The following RFTN1 variants were observed in gnomAD, a reference collection of about 807,000 sequenced individuals.
RFTN1 encodes raftlin.
In RFTN1, 26 loss-of-function variants were observed where a neutral mutation model predicts 46.5. That is an observed-to-expected ratio of 0.56 (90% CI 0.41 to 0.78). The LOEUF is 0.78. Ranked by LOEUF, RFTN1 falls within the 30% of genes least tolerant of loss-of-function variation. The pLI is 0.00. For missense variants in RFTN1, 693 were observed against 718.7 expected, an observed-to-expected ratio of 0.96 and a Z score of 0.41; for synonymous variants, 261 against 284.2, an observed-to-expected ratio of 0.92 and a Z score of 0.82.
chr3:16,323,557 C>T, intron 8 of RFTN1, 100 bp from the exon 9 acceptor site: 4 of 809,766 alleles, frequency 4.9e-6, no homozygotes, highest in Non-Finnish European at 8.3e-6. Flanking sequence ...AGCAGACCAC[C>T]CACAGGATTA....
At position 16,356,818 on chromosome 3, in the gene RFTN1, A is replaced by G. The variant is rs762970663; in HGVS notation, c.1146+1114T>C. Among the ~76,000 whole-genome samples the G allele has an allele frequency of 2.0e-5, 3 of 152,218 alleles. No homozygotes were observed. The highest frequency in any genetic ancestry group is 4.4e-5 in the Non-Finnish European group (3 of 68,034). On this transcript the variant is annotated intron_variant, in intron 7 of 9. Coordinates refer to ENST00000334133, the MANE Select transcript of RFTN1 (RefSeq NM_015150.2). This position sits in a 1 kb window ranked among gnomAD's most constrained non-coding sequence, Gnocchi z 4.9. ...TGTTCTTCCAAAGCATTCAGAAAGC[A>G]GTTCTCTATGTCCATGGCTGGGCAC...
Position 16,497,190 on chromosome 3 carries a change from G to C in RFTN1, c.-8-3313C>G, listed in dbSNP as rs1375735550. Among the ~76,000 whole-genome samples the C allele has an allele frequency of 2.0e-5, 3 of 152,262 alleles. 1 individual carries two copies. In the South Asian group the frequency reaches 6.2e-4, roughly 32 times the overall value. ...CACTGAGCAGTCTCTGTATTGATTT[G>C]TGTGCTTTCCCATACTTACACTAAA... On this transcript the variant is annotated intron_variant, in intron 1 of 9. Coordinates refer to ENST00000334133, the MANE Select transcript of RFTN1 (RefSeq NM_015150.2).
At position 16,426,089 on chromosome 3, in the gene RFTN1, T is replaced by A. The variant is rs1386584473; in HGVS notation, c.332+7762A>T. ...TTCACCTTCCTCAATGTCTGCTCTC[T>A]GGGAATAAACCGGCGGCTGCAGTTT... On this transcript the variant is annotated intron_variant, in intron 3 of 9. Coordinates refer to ENST00000334133, the MANE Select transcript of RFTN1 (RefSeq NM_015150.2). The surrounding 1 kb of genome is among the most constrained non-coding windows in gnomAD (Gnocchi z 5.9). Among the ~76,000 whole-genome samples the A allele has an allele frequency of 6.6e-6, 1 of 152,218 alleles. No homozygotes were observed. The highest frequency in any genetic ancestry group is 2.4e-5 in the African/African-American group (1 of 41,450).
intron 7 of RFTN1, among the ~76,000 whole-genome samples, chr3:16,330,794 C>A (rs1475405147): frequency 6.6e-6 from 1 of 152,184 alleles, no homozygotes; most frequent in Non-Finnish European, 1.5e-5. Flanking sequence ...TCTTTACCCT[C>A]CAAAAATTAG....
chr3:16,453,064 A>G (rs1328227202), intron 2 of RFTN1, among the ~76,000 whole-genome samples: 1 of 152,194 alleles, frequency 6.6e-6, no homozygotes, highest in Non-Finnish European at 1.5e-5. Flanking sequence ...ATGCTTTACA[A>G]GCATCCTTGC....
rs1271555347 is a variant in RFTN1 at position 16,413,274 on chromosome 3, G to A, written c.333-3791C>T. ...GGTGAGGAGTGTTCTGTGTCCCTGAGGGCAAGGACTATCCTGGGAGACAGA... is the reference window on the plus strand; with the variant it reads ...GGTGAGGAGTGTTCTGTGTCCCTGAAGGCAAGGACTATCCTGGGAGACAGA... On this transcript the variant is annotated intron_variant, in intron 3 of 9. Transcript: ENST00000334133. This position sits in a 1 kb window ranked among gnomAD's most constrained non-coding sequence, Gnocchi z 4.7. Among the ~76,000 whole-genome samples, 1 of 152,224 alleles carries A rather than the reference G, an allele frequency of 6.6e-6. No homozygotes were observed. Among genetic ancestry groups the A allele is most frequent in the Non-Finnish European group, 1.5e-5 (1 of 68,042 alleles).
At chr3:16,444,624 G>A (rs2075694600) in intron 2 of RFTN1, among the ~76,000 whole-genome samples, 1 of 152,302 alleles carries the variant, frequency 6.6e-6, no homozygotes, top group South Asian at 2.1e-4. Context: ...TGGAATAAGC[G>A]AGTTGGAAAA....
Position 16,506,299 on chromosome 3 carries a change from A to T in RFTN1, c.-9+7143T>A, listed in dbSNP as rs1434891262. 6.6e-6 allele frequency among the ~76,000 whole-genome samples: 1 copy of T among 152,042 alleles called. No individual in the cohort carries two copies. The highest frequency in any genetic ancestry group is 1.5e-5 in the Non-Finnish European group (1 of 68,002). ...GTGGGGCCCCTGGGAGGCTGAGCAG[A>T]CCTCAGGGTGAAGTCAAACAGGGCT... On this transcript the variant is annotated intron_variant, in intron 1 of 9. Coordinates refer to ENST00000334133, the MANE Select transcript of RFTN1 (RefSeq NM_015150.2). The surrounding 1 kb of genome is among the most constrained non-coding windows in gnomAD (Gnocchi z 4.8).
chr3:16,403,446 T>G (rs2125427535), intron 4 of RFTN1, among the ~76,000 whole-genome samples: 1 of 149,488 alleles, frequency 6.7e-6, no homozygotes, highest in Non-Finnish European at 1.5e-5. Context: ...AGCATAAGGT[T>G]TGCCTAACGC....
Position 16,391,858 on chromosome 3 carries a change from G to GT in RFTN1, c.442-13757dup, listed in dbSNP as rs1272551461. Among the ~76,000 whole-genome samples the GT allele has an allele frequency of 6.5e-3, 317 of 49,118 alleles. 65 individuals carry two copies. In the East Asian group the frequency reaches 0.071, roughly 11 times the overall value. The allele number at this position is 49,118 out of a possible 152,430, so 32.2% of individuals were successfully genotyped here. On this transcript the variant is annotated intron_variant, in intron 4 of 9. Transcript: ENST00000334133. ...TAGAGATTATCATTCTAGTGCAAAGGTTTTTTTTTTGTTTTTTTTTTTTGT... is the reference window on the plus strand; with the variant it reads ...TAGAGATTATCATTCTAGTGCAAAGGTTTTTTTTTTTGTTTTTTTTTTTTGT...
Position 16,376,612 on chromosome 3 carries a change from A to G in RFTN1, c.826+1106T>C, listed in dbSNP as rs1321622967. 6.6e-6 allele frequency among the ~76,000 whole-genome samples: 1 copy of G among 152,240 alleles called. No individual in the cohort carries two copies. The highest frequency in any genetic ancestry group is 1.5e-5 in the Non-Finnish European group (1 of 68,046). On this transcript the variant is annotated intron_variant, in intron 5 of 9. Coordinates refer to ENST00000334133, the MANE Select transcript of RFTN1 (RefSeq NM_015150.2). This position sits in a 1 kb window ranked among gnomAD's most constrained non-coding sequence, Gnocchi z 4.7. The stretch of plus-strand genomic sequence containing the variant: ...ATGAGGGCAGCAGGCATGTGCCTCA[A>G]ACAGCGAAAAATCACACAGATGAAG...
At position 16,399,951 on chromosome 3, in the gene RFTN1, G is replaced by A. The variant is rs530980105; in HGVS notation, c.441+9424C>T. 2.6e-5 allele frequency among the ~76,000 whole-genome samples: 4 copies of A among 152,236 alleles called. No homozygotes were observed. The East Asian group carries it at 5.8e-4, about 22-fold the overall frequency. ...AGACGCTCCACCTAAACTAAGTGACGATCTCTTGTCTATGAAGAGTTACTC... is the reference window on the plus strand; with the variant it reads ...AGACGCTCCACCTAAACTAAGTGACAATCTCTTGTCTATGAAGAGTTACTC... On this transcript the variant is annotated intron_variant, in intron 4 of 9. Transcript: ENST00000334133.
At chr3:16,487,369 T>C (rs2076464976) in intron 2 of RFTN1, among the ~76,000 whole-genome samples, 1 of 152,242 alleles carries the variant, frequency 6.6e-6, no homozygotes, top group South Asian at 2.1e-4. Flanking sequence ...ACACAGATTC[T>C]GACCTGAAAC....
chr3:16,427,567 G>A lies in RFTN1; in HGVS notation c.332+6284C>T, dbSNP rs565348202. ...ACAGCTTGCTGATATGGCCTAAGAG[G>A]AAACATTTCACAGACTCCAAGCATA... On this transcript the variant is annotated intron_variant, in intron 3 of 9. Transcript: ENST00000334133. The surrounding 1 kb of genome is among the most constrained non-coding windows in gnomAD (Gnocchi z 5.4). Among the ~76,000 whole-genome samples, 3 of 152,310 alleles carry A rather than the reference G, an allele frequency of 2.0e-5. No homozygotes were observed. Among genetic ancestry groups the A allele is most frequent in the Admixed American group, 2.0e-4 (3 of 15,300 alleles).
At position 16,345,832 on chromosome 3, in the gene RFTN1, G is replaced by A. The variant is rs542141108; in HGVS notation, c.1146+12100C>T. Among the ~76,000 whole-genome samples the A allele has an allele frequency of 1.6e-4, 10 of 63,946 alleles. No homozygotes were observed. In the South Asian group the frequency reaches 3.1e-3, roughly 20 times the overall value. The allele number at this position is 63,946 out of a possible 152,430, so 42.0% of individuals were successfully genotyped here. A position where few individuals can be genotyped will look rare whatever the true frequency, so the allele number is the denominator to read the frequency against. ...TGTGTGTGTGTGCGCGCGCGCGTGCGCGCACGCGCACATGTGCATGTGTAT... is the reference window on the plus strand; with the variant it reads ...TGTGTGTGTGTGCGCGCGCGCGTGCACGCACGCGCACATGTGCATGTGTAT... On this transcript the variant is annotated intron_variant, in intron 7 of 9. Coordinates refer to ENST00000334133, the MANE Select transcript of RFTN1 (RefSeq NM_015150.2). This position sits in a 1 kb window ranked among gnomAD's most constrained non-coding sequence, Gnocchi z 5.2.
At chr3:16,438,366 T>C (rs1014203979) in intron 2 of RFTN1, among the ~76,000 whole-genome samples, 2 of 151,580 alleles carry the variant, frequency 1.3e-5, no homozygotes, top group African/African-American at 4.8e-5. Flanking sequence ...GGGTGGATCA[T>C]TTGAGAGCAG....
chr3:16,324,622 C>CCCA (rs1485216643), intron 8 of RFTN1, among the ~76,000 whole-genome samples: 1 of 135,166 alleles, frequency 7.4e-6, no homozygotes, highest in Non-Finnish European at 1.7e-5. Flanking sequence ...GACCCCCCCC[C>CCCA]TTTTAAGGTT....
intron 2 of RFTN1, among the ~76,000 whole-genome samples, chr3:16,461,642 G>A (rs1003930716): frequency 6.6e-6 from 1 of 152,150 alleles, no homozygotes; most frequent in Non-Finnish European, 1.5e-5. Context: ...ATCAAAGGGA[G>A]GCAGACCAAA....
At chr3:16,331,346 C>T (rs1350332505) in intron 7 of RFTN1, among the ~76,000 whole-genome samples, 1 of 152,218 alleles carries the variant, frequency 6.6e-6, no homozygotes, top group East Asian at 1.9e-4. Flanking sequence ...TTAGTGCTCC[C>T]ATAAACATTT....
Sources: allele counts gnomAD v4.1 joint callset (sites outside exome capture counted in the v4.1 genomes callset), GRCh38; gene constraint gnomAD v4.1.1; non-coding constraint Gnocchi (gnomAD v3.1); transcripts MANE v1.5; gene names NCBI Gene and HGNC (gene_info 2026-07-23, HGNC 2026-07-21).